ALPK1: variants seen among roughly 807,000 people sequenced by gnomAD.
The protein encoded by ALPK1 is alpha kinase 1.
ALPK1 carries 110 observed loss-of-function variants against 120.6 expected under a neutral mutation model. That is an observed-to-expected ratio of 0.91 (90% CI 0.78 to 1.07). ALPK1 has a LOEUF of 1.07. Among genes scored for constraint, ALPK1 ranks in the 50% least tolerant of loss-of-function variants. The pLI is 0.00. For synonymous variants in ALPK1, 582 were observed against 560.3 expected (o/e 1.04, Z -0.55); for missense variants, 1,498 against 1,483.9 (o/e 1.01, Z -0.16).
intron 5 of ALPK1, among the ~76,000 whole-genome samples, chr4:112,415,666 G>GA (rs34997802): frequency 1.1e-4 from 17 of 150,322 alleles, no homozygotes; most frequent in Admixed American, 1.1e-3. Context: ...AAACAAAAAA[G>GA]AAAAAAAAAG....
At chr4:112,404,320 A>AT (rs947206304) in intron 4 of ALPK1, among the ~76,000 whole-genome samples, 1 of 151,848 alleles carries the variant, frequency 6.6e-6, no homozygotes, top group Admixed American at 6.6e-5. Context: ...ACTTCTTTCC[A>AT]TTTTTTTCAT....
At chr4:112,355,422 G>A (rs1478556237) in intron 2 of ALPK1, among the ~76,000 whole-genome samples, 1 of 152,298 alleles carries the variant, frequency 6.6e-6, no homozygotes, top group South Asian at 2.1e-4. Flanking sequence ...AGAGGAAGAA[G>A]GAGGAGGTCA....
At chr4:112,412,830 C>T (rs1235583374) in intron 5 of ALPK1, among the ~76,000 whole-genome samples, 1 of 152,196 alleles carries the variant, frequency 6.6e-6, no homozygotes, top group Non-Finnish European at 1.5e-5. Flanking sequence ...ATTTTAATAA[C>T]TCTGGTCTTT....
Position 112,393,776 on chromosome 4 carries a change from T to C in ALPK1, c.276+11224T>C, listed in dbSNP as rs183624489. 8.5e-5 allele frequency among the ~76,000 whole-genome samples: 13 copies of C among 152,344 alleles called. 1 individual carries two copies. The highest frequency in any genetic ancestry group is 2.4e-4 in the African/African-American group (10 of 41,586). Reference sequence around the variant, plus strand: ...AGTGACTCAAGTACTGCATCTTTTCTCCAAGTAAAGTAAGAATTTAAAATG... The same window carrying C: ...AGTGACTCAAGTACTGCATCTTTTCCCCAAGTAAAGTAAGAATTTAAAATG... On this transcript the variant is annotated intron_variant, in intron 4 of 15. Coordinates refer to ENST00000650871, the MANE Select transcript of ALPK1 (RefSeq NM_025144.4).
At chr4:112,419,502 A>G (rs776374437) in intron 5 of ALPK1, among the ~76,000 whole-genome samples, 2 of 152,140 alleles carry the variant, frequency 1.3e-5, no homozygotes, top group Non-Finnish European at 2.9e-5. Flanking sequence ...GAAAAGAGGA[A>G]GAAAGGCAGA....
intron 4 of ALPK1, among the ~76,000 whole-genome samples, chr4:112,406,401 C>T (rs1393398814): frequency 6.6e-6 from 1 of 152,120 alleles, no homozygotes; most frequent in African/African-American, 2.4e-5. Context: ...TCCACTAATA[C>T]GAGGTATCTA....
At chr4:112,304,212 G>A (rs1057036850) in intron 1 of ALPK1, among the ~76,000 whole-genome samples, 6 of 152,042 alleles carry the variant, frequency 3.9e-5, no homozygotes, top group East Asian at 1.9e-4. Context: ...ATAAACATAC[G>A]TGTGCATGTG....
chr4:112,429,880 A>T (rs1047156785), intron 10 of ALPK1, among the ~76,000 whole-genome samples: 10 of 148,506 alleles, frequency 6.7e-5, no homozygotes, highest in African/African-American at 1.7e-4. Context: ...AAAGAAAAAG[A>T]AAAAAAAAAG....
At chr4:112,360,155 A>G (rs1578499316) in intron 2 of ALPK1, among the ~76,000 whole-genome samples, 2 of 152,066 alleles carry the variant, frequency 1.3e-5, no homozygotes, top group South Asian at 4.2e-4. Context: ...GATTTCACAA[A>G]TATGTGAGAT....
intron 2 of ALPK1, among the ~76,000 whole-genome samples, chr4:112,368,361 T>C (rs1465655101): frequency 6.6e-6 from 1 of 152,252 alleles, no homozygotes; most frequent in Non-Finnish European, 1.5e-5. Context: ...TTCAACACAT[T>C]AATTCAGTTC....
chr4:112,325,370 C>T (rs765921557), intron 2 of ALPK1, among the ~76,000 whole-genome samples: 1 of 152,168 alleles, frequency 6.6e-6, no homozygotes, highest in Non-Finnish European at 1.5e-5. Flanking sequence ...TATGGTCAGA[C>T]TTAAACAGTT....
At chr4:112,357,366 C>A in intron 2 of ALPK1, 1 of 718,794 alleles carries the variant, frequency 1.4e-6, no homozygotes, top group Non-Finnish European at 2.4e-6. Context: ...GGTTCCCTGG[C>A]AGGGCTGGGG....
intron 2 of ALPK1, among the ~76,000 whole-genome samples, chr4:112,334,626 C>A (rs185325434): frequency 1.2e-3 from 188 of 151,972 alleles, no homozygotes; most frequent in Non-Finnish European, 1.7e-3. Context: ...AAGCTTAGTT[C>A]TTATATAGGA....
chr4:112,429,105 T>C (rs1448352362), intron 9 of ALPK1, 44 bp from the exon 10 acceptor site: 5 of 1,545,038 alleles, frequency 3.2e-6, no homozygotes, highest in African/African-American at 1.4e-5. Context: ...TGCTCATCGA[T>C]AATTAATTAT....
At chr4:112,392,839 T>C (rs1275547919) in intron 4 of ALPK1, among the ~76,000 whole-genome samples, 1 of 152,194 alleles carries the variant, frequency 6.6e-6, no homozygotes, top group East Asian at 1.9e-4. Context: ...GTCTCTTTCC[T>C]AAATTATATC....
chr4:112,435,814 G>C (rs777164410), intron 12 of ALPK1, among the ~76,000 whole-genome samples: 2 of 152,212 alleles, frequency 1.3e-5, no homozygotes, highest in African/African-American at 2.4e-5. Flanking sequence ...CGTAGCAAAA[G>C]CTACACCCAG....
At chr4:112,385,334 A>G (rs914888866) in intron 4 of ALPK1, among the ~76,000 whole-genome samples, 1 of 152,206 alleles carries the variant, frequency 6.6e-6, no homozygotes, top group Non-Finnish European at 1.5e-5. Context: ...ATACTACACA[A>G]ATTTCACAAT....
chr4:112,432,168 T>C lies in ALPK1; in HGVS notation c.2621T>C (p.Leu874Pro), dbSNP rs1375633472. 1 of 1,614,156 alleles carries C rather than the reference T, an allele frequency of 6.2e-7. No individual in the cohort carries two copies. Among genetic ancestry groups the C allele is most frequent in the Admixed American group, 1.7e-5 (1 of 60,030 alleles). Residue 874 changes from leucine (L) to proline (P), a missense_variant, in exon 11 of 16, where the codon CTG becomes CCG. Physicochemically the swap from Leu to Pro is moderately conservative, Grantham distance 98. Transcript: ENST00000650871. ...ACAAATGGGCACGGCTCTCATAGAC[T>C]GTGCATTCTGAGACAGCCGCCTGGT... is the stretch of plus-strand genomic sequence containing the variant. ...PCTNGHGSHR[L>P]CILRQPPGQR...
intron 2 of ALPK1, among the ~76,000 whole-genome samples, chr4:112,341,804 T>C (rs1189592309): frequency 6.6e-6 from 1 of 152,224 alleles, no homozygotes; most frequent in Non-Finnish European, 1.5e-5. Flanking sequence ...TTGCTCAACA[T>C]AATGATATCG....
Sources: allele counts gnomAD v4.1 joint callset (sites outside exome capture counted in the v4.1 genomes callset), GRCh38; gene constraint gnomAD v4.1.1; transcripts MANE v1.5; gene names NCBI Gene and HGNC (gene_info 2026-07-23, HGNC 2026-07-21).